The following LRCH3 variants were observed in gnomAD, a reference collection of about 807,000 sequenced individuals.
LRCH3 encodes leucine rich repeats and calponin homology domain containing 3, also known as DISP complex protein LRCH3.
A neutral mutation model predicts 104.5 loss-of-function variants in LRCH3; 68 were observed. The observed-to-expected ratio is 0.65, with a 90% CI of 0.54 to 0.80. The LOEUF (loss-of-function observed/expected upper bound fraction) is 0.80. LRCH3 is among the 30% of genes least tolerant of loss of function. LRCH3 has a pLI of 0.00. For missense variants in LRCH3, 951 were observed against 953.9 expected (o/e 1.00, Z 0.04); for synonymous variants, 344 against 361.3 (o/e 0.95, Z 0.54).
intron 1 of LRCH3, among the ~76,000 whole-genome samples, chr3:197,794,700 T>C (rs1323749007): frequency 6.6e-6 from 1 of 152,170 alleles, no homozygotes; most frequent in Non-Finnish European, 1.5e-5. Context: ...CTTTCTGTGC[T>C]GTTTATTTTG....
intron 15 of LRCH3, among the ~76,000 whole-genome samples, chr3:197,861,497 TTGTTC>T (rs1404622356): frequency 6.6e-6 from 1 of 152,236 alleles, no homozygotes; most frequent in African/African-American, 2.4e-5. Context: ...CCACAGTGTC[TTGTTC>T]TACAGTGACT....
chr3:197,805,676 C>G (rs1418046973), intron 1 of LRCH3, among the ~76,000 whole-genome samples: 1 of 150,816 alleles, frequency 6.6e-6, no homozygotes, highest in Non-Finnish European at 1.5e-5. Flanking sequence ...GGGGACATGC[C>G]TCCAAATTGA....
At chr3:197,862,992 A>G (rs1215256973) in intron 15 of LRCH3, among the ~76,000 whole-genome samples, 1 of 137,004 alleles carries the variant, frequency 7.3e-6, no homozygotes, top group Non-Finnish European at 1.5e-5. Context: ...TTATTTATTT[A>G]TTATTTATTT....
intron 4 of LRCH3, among the ~76,000 whole-genome samples, chr3:197,824,609 C>G (rs1307954510): frequency 2.0e-5 from 3 of 149,010 alleles, no homozygotes; most frequent in African/African-American, 7.5e-5. Context: ...CTCTGTCACC[C>G]AGGCTGGAGT....
chr3:197,857,248 CACTG>C (rs1194081960), intron 14 of LRCH3, among the ~76,000 whole-genome samples: 11 of 150,960 alleles, frequency 7.3e-5, no homozygotes, highest in Non-Finnish European at 2.9e-5. Context: ...ATATCAGTTA[CACTG>C]ACATTCTCTT....
chr3:197,837,702 T>A (rs1461916259), intron 9 of LRCH3, among the ~76,000 whole-genome samples: 2 of 152,110 alleles, frequency 1.3e-5, no homozygotes, highest in Non-Finnish European at 2.9e-5. Context: ...CATTTTGTCA[T>A]GAAAATTTCG....
intron 1 of LRCH3, 48 bp downstream of exon 1, chr3:197,791,588 G>A (rs1580490975): frequency 1.3e-6 from 2 of 1,485,346 alleles, no homozygotes; most frequent in South Asian, 2.6e-5. Flanking sequence ...CCGGCGCCGG[G>A]AGCCGCCCCG....
intron 13 of LRCH3, 29 bp downstream of exon 13, chr3:197,852,649 G>T (rs1739765185): frequency 6.2e-7 from 1 of 1,603,044 alleles, no homozygotes; most frequent in South Asian, 1.1e-5. Context: ...CTTTTCTTTG[G>T]AGTTGATTAT....
rs1714401816 is a variant in LRCH3, at chr3:197,888,404, T to C, written c.*4738T>C. On this transcript the variant is annotated 3_prime_UTR_variant, in exon 21 of 21. Coordinates refer to ENST00000425562, the MANE Select transcript of LRCH3 (RefSeq NM_001365715.1). The stretch of plus-strand genomic sequence containing the variant: ...GCCACTTTACACATTGACATTCAAA[T>C]AAAAGCCAACACTTCAGTGGCGTGT... 1 of 152,220 alleles carries C rather than the reference T, an allele frequency of 6.6e-6. No individual in the cohort carries two copies. Among genetic ancestry groups the C allele is most frequent in the East Asian group, 1.9e-4 (1 of 5,202 alleles). The allele number at this position is 152,220 out of a possible 1,614,324, so 9.4% of individuals were successfully genotyped here. A position where few individuals can be genotyped will look rare whatever the true frequency, so the allele number is the denominator to read the frequency against.
intron 12 of LRCH3, 37 bp downstream of exon 12, chr3:197,848,058 T>C: frequency 6.2e-7 from 1 of 1,609,766 alleles, no homozygotes; most frequent in Non-Finnish European, 8.5e-7. Context: ...AGCTGCTGAC[T>C]GGCTAAGTGC....
Position 197,880,030 on chromosome 3 carries a change from C to T in LRCH3, c.2209-3511C>T, listed in dbSNP as rs1402567541. Among the ~76,000 whole-genome samples, 4 of 150,998 alleles carry T rather than the reference C, an allele frequency of 2.6e-5. No individual in the cohort carries two copies. In the South Asian group the frequency reaches 8.4e-4, roughly 32 times the overall value. ...GCGCGATCTCGGCTCACTGCAAGCT[C>T]CGCCTCCCGGGTTCCCGCCATTCTC... On this transcript the variant is annotated intron_variant, in intron 20 of 20. Transcript: ENST00000425562.
intron 19 of LRCH3, among the ~76,000 whole-genome samples, chr3:197,871,980 G>A (rs1344273344): frequency 2.0e-5 from 3 of 152,208 alleles, no homozygotes; most frequent in Non-Finnish European, 2.9e-5. Context: ...CTTATGAACC[G>A]TGTGAAGGAC....
intron 1 of LRCH3, among the ~76,000 whole-genome samples, chr3:197,793,031 C>T (rs1730801163): frequency 1.3e-5 from 2 of 152,168 alleles, no homozygotes; most frequent in South Asian, 4.1e-4. Flanking sequence ...TCAAGCTATC[C>T]GCCGACCTCG....
chr3:197,797,554 T>A (rs1237028714), intron 1 of LRCH3, among the ~76,000 whole-genome samples: 2 of 151,950 alleles, frequency 1.3e-5, no homozygotes, highest in African/African-American at 4.8e-5. Context: ...AGGCCTGTAC[T>A]AGAATTCATA....
intron 4 of LRCH3, among the ~76,000 whole-genome samples, chr3:197,821,881 C>T (rs1351080415): frequency 6.6e-6 from 1 of 152,184 alleles, no homozygotes; most frequent in African/African-American, 2.4e-5. Context: ...GCCCTGTTGC[C>T]CAGGCTGGTC....
intron 1 of LRCH3, among the ~76,000 whole-genome samples, chr3:197,812,504 G>GTTTTTTTTGTTTTTTTTTTTTTT (rs1733255245): frequency 2.0e-5 from 1 of 48,956 alleles, no homozygotes; most frequent in Non-Finnish European, 3.5e-5. Flanking sequence ...TCTGCTTTCA[G>GTTTTTTTTGTTTTTTTTTTTTTT]TTTTTTTTTT....
intron 14 of LRCH3, among the ~76,000 whole-genome samples, chr3:197,855,981 C>T (rs537832234): frequency 2.6e-5 from 4 of 152,308 alleles, no homozygotes; most frequent in South Asian, 4.1e-4. Flanking sequence ...AACGTGGCCT[C>T]GAAGCTCCCT....
intron 10 of LRCH3, 131 bp downstream of exon 10, chr3:197,839,528 T>C (rs1172733242): frequency 5.6e-6 from 3 of 533,754 alleles, no homozygotes; most frequent in Non-Finnish European, 9.8e-6. Context: ...AGCGACGGTG[T>C]GCTTTTTTGT....
intron 1 of LRCH3, among the ~76,000 whole-genome samples, chr3:197,799,674 C>T (rs1349294066): frequency 6.6e-6 from 1 of 151,552 alleles, no homozygotes; most frequent in Non-Finnish European, 1.5e-5. Flanking sequence ...TGAGACCAAC[C>T]TGACCAACAT....
Sources: allele counts gnomAD v4.1 joint callset (sites outside exome capture counted in the v4.1 genomes callset), GRCh38; gene constraint gnomAD v4.1.1; transcripts MANE v1.5; gene names NCBI Gene and HGNC (gene_info 2026-07-23, HGNC 2026-07-21).